The following EMSY variants were observed in gnomAD, a reference collection of about 807,000 sequenced individuals.
EMSY encodes the protein BRCA2-interacting transcriptional repressor EMSY.
EMSY carries 26 observed loss-of-function variants against 134.6 expected under a neutral mutation model. The observed-to-expected ratio is 0.19, with a 90% CI of 0.14 to 0.27. The LOEUF (loss-of-function observed/expected upper bound fraction) is 0.27. Ranked by LOEUF, EMSY falls within the 10% of genes least tolerant of loss-of-function variation. EMSY has a pLI of 1.00. For synonymous variants in EMSY, 579 were observed against 577.8 expected, an observed-to-expected ratio of 1.00 and a Z score of -0.03; for missense variants, 1,305 against 1,611.4, an observed-to-expected ratio of 0.81 and a Z score of 3.26.
intron 9 of EMSY, among the ~76,000 whole-genome samples, chr11:76,503,300 C>CAAAAAAAAAAAA (rs61098325): frequency 4.2e-5 from 3 of 70,776 alleles, no homozygotes; most frequent in African/African-American, 1.1e-4. Context: ...GGCGTGGTCT[C>CAAAAAAAAAAAA]AAAAAAAAAA....
chr11:76,518,703 A>ATATATTT (rs57143914), intron 11 of EMSY, among the ~76,000 whole-genome samples: 1,557 of 130,106 alleles, frequency 0.012, 18 homozygotes, highest in African/African-American at 0.03. Flanking sequence ...ATATATATAT[A>ATATATTT]TTTTTTTTTT....
At chr11:76,508,343 C>CT (rs35428460) in intron 9 of EMSY, among the ~76,000 whole-genome samples, 59,723 of 147,144 alleles carry the variant, frequency 0.41, 12,114 homozygotes, top group South Asian at 0.51. Flanking sequence ...TGAAAGGAAT[C>CT]TTTTTTTTTT....
chr11:76,490,423 T>C (rs1036590681), intron 8 of EMSY, among the ~76,000 whole-genome samples: 1 of 152,212 alleles, frequency 6.6e-6, no homozygotes, highest in African/African-American at 2.4e-5. Context: ...TCAGATATCC[T>C]GTGGGATGAC....
chr11:76,484,620 C>T (rs529275870), intron 8 of EMSY, among the ~76,000 whole-genome samples: 12 of 152,230 alleles, frequency 7.9e-5, no homozygotes, highest in African/African-American at 2.6e-4. Context: ...ATACTATAAA[C>T]ACCTCTACGC....
At chr11:76,485,912 A>G (rs574128660) in intron 8 of EMSY, among the ~76,000 whole-genome samples, 1 of 152,278 alleles carries the variant, frequency 6.6e-6, no homozygotes, top group African/African-American at 2.4e-5. Context: ...CATATACCCA[A>G]AGGATTATAC....
intron 1 of EMSY, among the ~76,000 whole-genome samples, chr11:76,445,807 G>A (rs1388921456): frequency 6.6e-6 from 1 of 152,140 alleles, no homozygotes; most frequent in African/African-American, 2.4e-5. Context: ...GGAGGGAGAG[G>A]ATTCCTTTGG....
At chr11:76,496,739 T>G (rs1949672947) in intron 9 of EMSY, 1 of 453,082 alleles carries the variant, frequency 2.2e-6, no homozygotes, top group African/African-American at 2.0e-5. Flanking sequence ...ATAGTATTGA[T>G]CTTGTATCCT....
intron 1 of EMSY, among the ~76,000 whole-genome samples, chr11:76,446,319 GTGTGTATATATATATGTATATATATA>G (rs1331980781): frequency 1.7e-5 from 2 of 114,324 alleles, no homozygotes; most frequent in Non-Finnish European, 3.4e-5. Flanking sequence ...ATATGTGTGT[GTGTGTATATATATATGTATATATATA>G]TGTGTATATA....
intron 14 of EMSY, among the ~76,000 whole-genome samples, chr11:76,529,748 A>T (rs1950965944): frequency 6.6e-6 from 1 of 152,204 alleles, no homozygotes; most frequent in Non-Finnish European, 1.5e-5. Flanking sequence ...TAACAAACAT[A>T]ATATGTCCCT....
At chr11:76,522,206 G>A (rs1016602250) in intron 11 of EMSY, among the ~76,000 whole-genome samples, 1 of 151,996 alleles carries the variant, frequency 6.6e-6, no homozygotes, top group East Asian at 1.9e-4. Context: ...GGATCAGTAG[G>A]TATAGACCTA....
rs1177523051 is a variant in EMSY, at chr11:76,522,069, A to G, written c.1685-1086A>G. ...AATAAAATTTTTTGAAAAAGAGAAG[A>G]AGACAAGGAACAAATCAAAGATTTG... On this transcript the variant is annotated intron_variant, in intron 11 of 20. Transcript: ENST00000334736. 2.6e-5 allele frequency among the ~76,000 whole-genome samples: 4 copies of G among 152,240 alleles called. 1 individual carries two copies. The South Asian group carries it at 6.2e-4, about 24-fold the overall frequency.
chr11:76,476,012 C>G (rs901294803), intron 8 of EMSY, among the ~76,000 whole-genome samples: 2 of 152,192 alleles, frequency 1.3e-5, no homozygotes, highest in Non-Finnish European at 2.9e-5. Context: ...CTCTTTTGTC[C>G]TTGCAACTTA....
chr11:76,538,006 C>T (rs1951288384), intron 16 of EMSY, 56 bp downstream of exon 17: 2 of 1,429,814 alleles, frequency 1.4e-6, no homozygotes, highest in Non-Finnish European at 1.9e-6. Context: ...TCCTGGATTT[C>T]ATGGGATGAT....
chr11:76,477,251 T>C (rs867317823), intron 8 of EMSY, among the ~76,000 whole-genome samples: 87 of 150,890 alleles, frequency 5.8e-4, no homozygotes, highest in African/African-American at 2.0e-3. Context: ...AGTCAAGCAT[T>C]ATAGGTTAAT....
At chr11:76,496,091 C>A in intron 8 of EMSY, 124 bp from the exon 10 acceptor site, 1 of 1,017,320 alleles carries the variant, frequency 9.8e-7, no homozygotes, top group Non-Finnish European at 1.4e-6. Context: ...TTACTAGGTG[C>A]TCAATAAATT....
At chr11:76,543,848 T>C (rs1200205051) in intron 18 of EMSY, among the ~76,000 whole-genome samples, 1 of 152,136 alleles carries the variant, frequency 6.6e-6, no homozygotes, top group Non-Finnish European at 1.5e-5. Flanking sequence ...CACATAGCCA[T>C]GGTGGGCTTC....
chr11:76,450,794 A>ATT (rs34212263), intron 2 of EMSY, among the ~76,000 whole-genome samples: 1,845 of 135,920 alleles, frequency 0.014, 52 homozygotes, highest in East Asian at 0.069. Flanking sequence ...GCCTGGCCAG[A>ATT]TTTTTTTTTT....
At chr11:76,451,939 A>G (rs1947686482) in exon 3 of EMSY, 3 of 1,585,860 alleles carry the variant, frequency 1.9e-6, no homozygotes, top group Middle Eastern at 1.7e-4. Context: ...CTTCTTGGAG[A>G]ACTATCAAAA....
intron 17 of EMSY, among the ~76,000 whole-genome samples, chr11:76,540,592 A>G (rs1199127737): frequency 1.3e-5 from 2 of 152,214 alleles, no homozygotes; most frequent in Non-Finnish European, 2.9e-5. Flanking sequence ...GTGAATATAG[A>G]TAGAATGTGT....
Sources: allele counts gnomAD v4.1 joint callset (sites outside exome capture counted in the v4.1 genomes callset), GRCh38; gene constraint gnomAD v4.1.1; transcripts MANE v1.5; gene names NCBI Gene and HGNC (gene_info 2026-07-23, HGNC 2026-07-21).